The following GPC6 variants were observed in gnomAD, a reference collection of about 807,000 sequenced individuals.
The protein encoded by GPC6 is glypican 6.
A neutral mutation model predicts 55.2 loss-of-function variants in GPC6; 14 were observed. That is an observed-to-expected ratio of 0.25 (90% confidence interval 0.17 to 0.40). GPC6 has a LOEUF of 0.40. Among genes scored for constraint, GPC6 ranks in the 10% least tolerant of loss-of-function variants. The pLI is 1.00. For synonymous variants in GPC6, 278 were observed against 259.6 expected, an observed-to-expected ratio of 1.07 and a Z score of -0.68; for missense variants, 641 against 708.5, an observed-to-expected ratio of 0.90 and a Z score of 1.08.
intron 1 of GPC6, among the ~76,000 whole-genome samples, chr13:93,401,215 T>C (rs1876063158): frequency 6.6e-6 from 1 of 151,026 alleles, no homozygotes. Flanking sequence ...TTTTGTATTT[T>C]TGCTGCCGTA....
chr13:93,949,276 T>C (rs148558573), intron 3 of GPC6, among the ~76,000 whole-genome samples: 2 of 152,264 alleles, frequency 1.3e-5, no homozygotes, highest in Non-Finnish European at 2.9e-5. Context: ...AAGCAATTTA[T>C]GACTATCCAC....
At chr13:93,604,985 C>T (rs1244791578) in intron 2 of GPC6, among the ~76,000 whole-genome samples, 2 of 152,150 alleles carry the variant, frequency 1.3e-5, no homozygotes, top group East Asian at 3.9e-4. Flanking sequence ...TGAACCCTGG[C>T]TTTACTACCT....
intron 1 of GPC6, among the ~76,000 whole-genome samples, chr13:93,533,791 C>G (rs933687137): frequency 4.7e-5 from 7 of 150,250 alleles, no homozygotes; most frequent in African/African-American, 1.5e-4. Context: ...TTGCTGTCAG[C>G]CACCTCTTTA....
At chr13:93,738,856 C>G (rs929187791) in intron 2 of GPC6, among the ~76,000 whole-genome samples, 4 of 151,986 alleles carry the variant, frequency 2.6e-5, no homozygotes, top group Non-Finnish European at 5.9e-5. Flanking sequence ...TTCTCTAGTT[C>G]ACATAAAACC....
chr13:93,746,844 T>C (rs767011884), intron 2 of GPC6, among the ~76,000 whole-genome samples: 12 of 152,198 alleles, frequency 7.9e-5, no homozygotes, highest in Non-Finnish European at 1.3e-4. Flanking sequence ...TCTGGACCAA[T>C]GCTCTGAGAG....
intron 1 of GPC6, among the ~76,000 whole-genome samples, chr13:93,383,463 G>A (rs1375112083): frequency 6.6e-6 from 1 of 152,020 alleles, no homozygotes. Flanking sequence ...GCAATCCTCC[G>A]GCCTTGCCCT....
intron 4 of GPC6, among the ~76,000 whole-genome samples, chr13:94,257,325 C>G (rs1009222261): frequency 2.6e-5 from 4 of 152,174 alleles, no homozygotes; most frequent in African/African-American, 9.7e-5. Context: ...TAATCAAAGT[C>G]ATTTACATAT....
chr13:94,303,203 C>A (rs1875752873), intron 5 of GPC6, among the ~76,000 whole-genome samples: 1 of 152,200 alleles, frequency 6.6e-6, no homozygotes, highest in Non-Finnish European at 1.5e-5. Flanking sequence ...GGGAGGGGAC[C>A]CAAAGAGGGT....
intron 4 of GPC6, among the ~76,000 whole-genome samples, chr13:94,180,899 G>GA (rs1888971891): frequency 7.2e-6 from 1 of 138,460 alleles, no homozygotes; most frequent in African/African-American, 2.7e-5. Flanking sequence ...AGAGAGAGAG[G>GA]GAGAGAGACT....
chr13:93,507,544 C>T (rs143536257), intron 1 of GPC6, among the ~76,000 whole-genome samples: 319 of 152,270 alleles, frequency 2.1e-3, no homozygotes, highest in African/African-American at 7.5e-3. Flanking sequence ...CAGCTTCAGT[C>T]CATGGAACTT....
intron 1 of GPC6, among the ~76,000 whole-genome samples, chr13:93,507,094 C>T (rs1475574043): frequency 7.0e-6 from 1 of 142,290 alleles, no homozygotes; most frequent in Non-Finnish European, 1.5e-5. Flanking sequence ...AAAAAAAGCC[C>T]GGAGTATATT....
chr13:93,268,848 A>G (rs1877413110), intron 1 of GPC6, among the ~76,000 whole-genome samples: 2 of 151,982 alleles, frequency 1.3e-5, no homozygotes, highest in African/African-American at 2.4e-5. Context: ...ACCCACTTCT[A>G]TGCTCTCTTC....
chr13:93,302,674 CTT>C (rs1202865753), intron 1 of GPC6, among the ~76,000 whole-genome samples: 37 of 152,138 alleles, frequency 2.4e-4, no homozygotes, highest in Admixed American at 6.5e-5. Context: ...TTAGAATCCA[CTT>C]TTCAGTGTAG....
At chr13:93,507,973 T>G (rs1409650734) in intron 1 of GPC6, among the ~76,000 whole-genome samples, 1 of 152,146 alleles carries the variant, frequency 6.6e-6, no homozygotes, top group African/African-American at 2.4e-5. Context: ...ATTCAACAAA[T>G]ATGCATTGAG....
intron 4 of GPC6, among the ~76,000 whole-genome samples, chr13:94,098,712 C>T (rs532763651): frequency 2.0e-5 from 3 of 152,188 alleles, no homozygotes; most frequent in African/African-American, 4.8e-5. Context: ...ATTCAACTTT[C>T]GTATGCTGTA....
chr13:93,804,315 T>G (rs1886472740), intron 2 of GPC6, among the ~76,000 whole-genome samples: 1 of 152,178 alleles, frequency 6.6e-6, no homozygotes, highest in Non-Finnish European at 1.5e-5. Context: ...AATTTTCTGA[T>G]AGCTTGATGA....
intron 4 of GPC6, among the ~76,000 whole-genome samples, chr13:94,190,732 C>T (rs1048237229): frequency 2.6e-5 from 4 of 151,994 alleles, no homozygotes; most frequent in Non-Finnish European, 1.5e-5. Context: ...GAAATACACC[C>T]TGAAGTATTA....
intron 3 of GPC6, among the ~76,000 whole-genome samples, chr13:93,874,779 C>T (rs927432304): frequency 6.6e-6 from 1 of 151,784 alleles, no homozygotes; most frequent in Non-Finnish European, 1.5e-5. Flanking sequence ...CTTCATATCT[C>T]CTAGTACCTG....
In GPC6 at chr13:93,559,408, A is replaced by G. The variant is rs141206352; in HGVS notation, c.319+13987A>G. Among the ~76,000 whole-genome samples, 4 of 152,314 alleles carry G rather than the reference A, an allele frequency of 2.6e-5. No individual in the cohort carries two copies. In the East Asian group the frequency reaches 7.7e-4, roughly 29 times the overall value. ...AAATATATAGGACAAGGATCCTACT[A>G]TGTATATTCTAACCAACAACCGTGC... On this transcript the variant is annotated intron_variant, in intron 2 of 8. Coordinates refer to ENST00000377047, the MANE Select transcript of GPC6 (RefSeq NM_005708.5).
Sources: allele counts gnomAD v4.1 joint callset (sites outside exome capture counted in the v4.1 genomes callset), GRCh38; gene constraint gnomAD v4.1.1; transcripts MANE v1.5; gene names NCBI Gene and HGNC (gene_info 2026-07-23, HGNC 2026-07-21).